Variants in CALCR observed in about 807,000 individuals in gnomAD.
CALCR encodes calcitonin receptor.
In CALCR, 47 loss-of-function variants were observed where a neutral mutation model predicts 59.5. The observed-to-expected ratio is 0.79, with a 90% confidence interval of 0.63 to 1.01. CALCR has a LOEUF of 1.01. Among genes scored for constraint, CALCR ranks in the 50% least tolerant of loss-of-function variants. CALCR has a pLI of 0.00. For synonymous variants in CALCR, 213 were observed against 211.3 expected (o/e 1.01, Z -0.07); for missense variants, 566 against 597.1 (o/e 0.95, Z 0.54).
chr7:93,456,175 G>T (rs1217644814), intron 8 of CALCR, among the ~76,000 whole-genome samples: 1 of 152,118 alleles, frequency 6.6e-6, no homozygotes, highest in East Asian at 1.9e-4. Flanking sequence ...TGTCATTGTA[G>T]TTATTTTGTT....
At chr7:93,499,358 G>A (rs368412041) in intron 2 of CALCR, among the ~76,000 whole-genome samples, 8 of 151,808 alleles carry the variant, frequency 5.3e-5, no homozygotes, top group Non-Finnish European at 5.9e-5. Context: ...CTGGAAATTC[G>A]CAAGTATGTT....
chr7:93,426,577 C>T lies in CALCR; in HGVS notation c.1204G>A (p.Val402Met), dbSNP rs774211263. Residue 402 changes from valine to methionine, a missense_variant, in exon 14 of 14, where the codon GTG (valine) becomes ATG (methionine). By Grantham distance (21) the Val-to-Met change is conservative. Coordinates refer to ENST00000426151, the MANE Select transcript of CALCR (RefSeq NM_001742.4). Reference sequence around the variant, plus strand: ...TTGAATTGGGCCCATTGGCGCTTCACGGTGGTTTGGACCTGGAAGAGAAAA... The same window carrying T: ...TTGAATTGGGCCCATTGGCGCTTCATGGTGGTTTGGACCTGGAAGAGAAAA... ...CFCNNEVQTT[V>M]KRQWAQFKIQ... The T allele has an allele frequency of 8.1e-6, 13 of 1,601,658 alleles. 1 individual carries two copies. Among genetic ancestry groups the T allele is most frequent in the African/African-American group, 2.7e-5 (2 of 74,538 alleles).
chr7:93,501,125 C>T (rs979597490), intron 2 of CALCR, among the ~76,000 whole-genome samples: 1 of 151,978 alleles, frequency 6.6e-6, no homozygotes, highest in African/African-American at 2.4e-5. Flanking sequence ...TAAATGTCAG[C>T]AACGATATAC....
At chr7:93,546,537 G>A (rs919719726) in intron 2 of CALCR, among the ~76,000 whole-genome samples, 1 of 151,742 alleles carries the variant, frequency 6.6e-6, no homozygotes, top group African/African-American at 2.4e-5. Context: ...CCTGAAGCTG[G>A]GCCCATGAGT....
intron 2 of CALCR, among the ~76,000 whole-genome samples, chr7:93,525,801 T>C (rs1563007632): frequency 6.6e-6 from 1 of 152,336 alleles, no homozygotes; most frequent in East Asian, 1.9e-4. Context: ...TTAATGTTCT[T>C]TATGCAGTTT....
intron 2 of CALCR, among the ~76,000 whole-genome samples, chr7:93,542,601 G>A (rs1278045996): frequency 6.6e-6 from 1 of 152,046 alleles, no homozygotes; most frequent in African/African-American, 2.4e-5. Context: ...TTAGCTTACT[G>A]TAACTTTTAA....
At chr7:93,464,194 C>T (rs948209604) in intron 7 of CALCR, among the ~76,000 whole-genome samples, 3 of 151,890 alleles carry the variant, frequency 2.0e-5, no homozygotes, top group South Asian at 4.1e-4. Flanking sequence ...TTGTATGAGA[C>T]GGCATTTGAT....
In CALCR at chr7:93,475,627, A is replaced by C. The variant is rs138445996; in HGVS notation, c.316+1931T>G. The stretch of plus-strand genomic sequence containing the variant: ...GGGAAAATATATTGTATGCAGAGAG[A>C]TACTACTCTTAAAGAAGGTCATTCC... On this transcript the variant is annotated intron_variant, in intron 5 of 13. Transcript: ENST00000426151. Among the ~76,000 whole-genome samples, 404 of 151,906 alleles carry C rather than the reference A, an allele frequency of 2.7e-3. 1 individual carries two copies. Among genetic ancestry groups the C allele is most frequent in the Non-Finnish European group, 4.6e-3 (312 of 67,842 alleles).
intron 2 of CALCR, among the ~76,000 whole-genome samples, chr7:93,513,150 T>C (rs777397551): frequency 1.1e-4 from 17 of 152,130 alleles, no homozygotes; most frequent in Middle Eastern, 6.3e-3. Context: ...CTGCTTTGCC[T>C]CTCAGTGCAC....
intron 3 of CALCR, among the ~76,000 whole-genome samples, chr7:93,481,520 T>C (rs917226570): frequency 4.0e-5 from 6 of 151,760 alleles, no homozygotes; most frequent in Admixed American, 6.6e-5. Flanking sequence ...AAAAAATAGT[T>C]CCCAAGAAAG....
At chr7:93,547,861 C>CG (rs930648410) in intron 2 of CALCR, among the ~76,000 whole-genome samples, 4 of 152,006 alleles carry the variant, frequency 2.6e-5, no homozygotes, top group East Asian at 3.9e-4. Context: ...GAACATTGTA[C>CG]GGGGGGTAGT....
At chr7:93,456,238 T>TC (rs1800206174) in intron 8 of CALCR, among the ~76,000 whole-genome samples, 4 of 152,142 alleles carry the variant, frequency 2.6e-5, no homozygotes, top group Admixed American at 2.6e-4. Context: ...TTCCAAATTT[T>TC]CTCTTATGGA....
rs903942654 is a variant in CALCR, at chr7:93,534,857, C to T, written c.-27+39432G>A. 7.9e-5 allele frequency among the ~76,000 whole-genome samples: 12 copies of T among 151,698 alleles called. No individual in the cohort carries two copies. In the South Asian group the frequency reaches 1.2e-3, roughly 16 times the overall value. On this transcript the variant is annotated intron_variant, in intron 2 of 13. Coordinates refer to ENST00000426151, the MANE Select transcript of CALCR (RefSeq NM_001742.4). ...TTAGAAATATATAGATAATCCCATA[C>T]GGAATTATTCAAATACAAAAGACAA...
intron 3 of CALCR, among the ~76,000 whole-genome samples, chr7:93,484,350 T>C (rs924024114): frequency 6.6e-6 from 1 of 151,714 alleles, no homozygotes; most frequent in African/African-American, 2.4e-5. Flanking sequence ...TGAGAAATGG[T>C]CCATCTCTGC....
At chr7:93,506,082 C>T (rs1251703030) in intron 2 of CALCR, among the ~76,000 whole-genome samples, 2 of 152,232 alleles carry the variant, frequency 1.3e-5, no homozygotes, top group African/African-American at 2.4e-5. Flanking sequence ...TCTCAAAAGA[C>T]AGAAAGCTGT....
chr7:93,566,089 A>T (rs139295016), intron 2 of CALCR, among the ~76,000 whole-genome samples: 1 of 152,140 alleles, frequency 6.6e-6, no homozygotes, highest in East Asian at 1.9e-4. Flanking sequence ...TTTTTTTCCT[A>T]TAATACAATA....
At chr7:93,567,320 C>T (rs936422232) in intron 2 of CALCR, among the ~76,000 whole-genome samples, 6 of 152,016 alleles carry the variant, frequency 3.9e-5, no homozygotes, top group African/African-American at 1.5e-4. Context: ...TTTATGGACA[C>T]ATTTAGGGAA....
chr7:93,568,769 G>A (rs1402744765), intron 2 of CALCR, among the ~76,000 whole-genome samples: 4 of 151,888 alleles, frequency 2.6e-5, no homozygotes, highest in East Asian at 3.9e-4. Flanking sequence ...AGCTGAAATA[G>A]ATTCACTATG....
chr7:93,473,754 T>C (rs1315165093), intron 5 of CALCR, among the ~76,000 whole-genome samples: 9 of 151,738 alleles, frequency 5.9e-5, no homozygotes, highest in Non-Finnish European at 1.3e-4. Context: ...AAGATTTTCT[T>C]TGAGCCCTGA....
Sources: allele counts gnomAD v4.1 joint callset (sites outside exome capture counted in the v4.1 genomes callset), GRCh38; gene constraint gnomAD v4.1.1; transcripts MANE v1.5; gene names NCBI Gene and HGNC (gene_info 2026-07-23, HGNC 2026-07-21).